Variants in MSRB3 observed in about 807,000 individuals in gnomAD.
The protein encoded by MSRB3 is methionine-R-sulfoxide reductase B3.
In MSRB3, 13 loss-of-function variants were observed where a neutral mutation model predicts 21.0. The ratio of observed to expected loss-of-function variants is 0.62; its 90% CI spans 0.40 to 0.98. The LOEUF is 0.98. Ranked by LOEUF, MSRB3 falls within the 50% of genes least tolerant of loss-of-function variation. The pLI is 0.00. For synonymous variants in MSRB3, 87 were observed against 88.6 expected (o/e 0.98, Z 0.10); for missense variants, 199 against 230.3 (o/e 0.86, Z 0.88).
In MSRB3 at chr12:65,293,586, A is replaced by G. The variant is rs576521514; in HGVS notation, c.-52+14721A>G. On this transcript the variant is annotated intron_variant, in intron 1 of 6. Transcript: ENST00000308259. ...GGCAACAGTCTTAGCCTTTATTCTT[A>G]GTTTAAATGTTACTTCCTCCAGGAA... Among the ~76,000 whole-genome samples, 7 of 152,264 alleles carry G rather than the reference A, an allele frequency of 4.6e-5. No individual in the cohort carries two copies. The South Asian group carries it at 1.5e-3, about 32-fold the overall frequency.
chr12:65,288,834 T>G (rs545642434), intron 1 of MSRB3, among the ~76,000 whole-genome samples: 39 of 152,142 alleles, frequency 2.6e-4, no homozygotes, highest in Non-Finnish European at 3.7e-4. Flanking sequence ...TCACTGTGAG[T>G]TTTAAAGAAA....
At chr12:65,359,375 T>G (rs1400601561) in intron 4 of MSRB3, among the ~76,000 whole-genome samples, 2 of 152,078 alleles carry the variant, frequency 1.3e-5, no homozygotes, top group Non-Finnish European at 2.9e-5. Flanking sequence ...TAGCCATAAC[T>G]TCTATTATTC....
intron 4 of MSRB3, among the ~76,000 whole-genome samples, chr12:65,332,643 A>G (rs1875505255): frequency 6.6e-6 from 1 of 152,194 alleles, no homozygotes; most frequent in African/African-American, 2.4e-5. Flanking sequence ...AATAAAAAAA[A>G]GAAAAGATCA....
chr12:65,390,582 T>C (rs1483249678), intron 5 of MSRB3, among the ~76,000 whole-genome samples: 2 of 152,228 alleles, frequency 1.3e-5, no homozygotes, highest in African/African-American at 4.8e-5. Context: ...GATGCAATCT[T>C]TCTGAAAAGC....
intron 5 of MSRB3, among the ~76,000 whole-genome samples, chr12:65,374,304 C>T (rs1878480321): frequency 6.6e-6 from 1 of 152,070 alleles, no homozygotes; most frequent in Admixed American, 6.5e-5. Flanking sequence ...ATTGACTATT[C>T]ATCTATTCAT....
intron 1 of MSRB3, among the ~76,000 whole-genome samples, chr12:65,291,151 T>C (rs895146242): frequency 6.6e-6 from 1 of 152,034 alleles, no homozygotes; most frequent in Non-Finnish European, 1.5e-5. Flanking sequence ...AGTGGCACGA[T>C]CTCGGCTCAC....
At chr12:65,445,748 C>T (rs1055691715) in intron 5 of MSRB3, among the ~76,000 whole-genome samples, 3 of 151,200 alleles carry the variant, frequency 2.0e-5, no homozygotes, top group Admixed American at 6.6e-5. Context: ...AAGGTTCAAG[C>T]GATTCTCCCA....
rs114504881 is a variant in MSRB3 at position 65,307,431 on chromosome 12, G to T, written c.-51-1098G>T. Among the ~76,000 whole-genome samples the T allele has an allele frequency of 7.8e-3, 1,188 of 152,254 alleles. 16 individuals carry two copies. Among genetic ancestry groups the T allele is most frequent in the African/African-American group, 0.028 (1,151 of 41,558 alleles). Reference sequence around the variant, plus strand: ...TATTATATGTTTGTTCTTCAAGGAGGTCAGAAGAGTCCGGAACAGACTTTT... The same window carrying T: ...TATTATATGTTTGTTCTTCAAGGAGTTCAGAAGAGTCCGGAACAGACTTTT... On this transcript the variant is annotated intron_variant, in intron 1 of 6. Coordinates refer to ENST00000308259, the MANE Select transcript of MSRB3 (RefSeq NM_001031679.3).
chr12:65,416,895 C>A (rs936104171), intron 5 of MSRB3, among the ~76,000 whole-genome samples: 1 of 152,112 alleles, frequency 6.6e-6, no homozygotes, highest in Non-Finnish European at 1.5e-5. Context: ...GCCTTGGATT[C>A]TCTTTCTATT....
chr12:65,336,981 C>T (rs1260606912), intron 4 of MSRB3, among the ~76,000 whole-genome samples: 1 of 152,202 alleles, frequency 6.6e-6, no homozygotes, highest in Non-Finnish European at 1.5e-5. Context: ...CGGTGGCTCA[C>T]GCCTGTAATC....
At chr12:65,419,615 G>C in intron 5 of MSRB3, 1 of 711,608 alleles carries the variant, frequency 1.4e-6, no homozygotes. Flanking sequence ...TGAGCCCTCA[G>C]GTCCTCGATG....
At chr12:65,397,490 G>T (rs1879877145) in intron 5 of MSRB3, among the ~76,000 whole-genome samples, 1 of 151,458 alleles carries the variant, frequency 6.6e-6, no homozygotes, top group Non-Finnish European at 1.5e-5. Flanking sequence ...TTTTTCTTTT[G>T]TTTTCCATTA....
At chr12:65,309,125 A>G in intron 2 of MSRB3, 1 of 180,632 alleles carries the variant, frequency 5.5e-6, no homozygotes, top group Non-Finnish European at 1.2e-5. Flanking sequence ...AGTTAAAAAG[A>G]AAGAAAGTTC....
intron 4 of MSRB3, among the ~76,000 whole-genome samples, chr12:65,356,472 T>A (rs754008228): frequency 4.0e-5 from 6 of 151,734 alleles, no homozygotes; most frequent in Non-Finnish European, 8.8e-5. Context: ...TTAAAAAAAA[T>A]TTATTCCCAT....
intron 5 of MSRB3, among the ~76,000 whole-genome samples, chr12:65,428,140 AT>A (rs1338526235): frequency 6.6e-6 from 1 of 152,042 alleles, no homozygotes; most frequent in African/African-American, 2.4e-5. Context: ...ATGGTTTGTT[AT>A]TTCAGTGGCA....
intron 4 of MSRB3, among the ~76,000 whole-genome samples, chr12:65,348,668 A>T (rs1876703202): frequency 6.6e-6 from 1 of 151,942 alleles, no homozygotes; most frequent in Non-Finnish European, 1.5e-5. Flanking sequence ...AGTTCTTTTA[A>T]TTGTGACGTT....
At chr12:65,402,607 A>G (rs1880192241) in intron 5 of MSRB3, among the ~76,000 whole-genome samples, 1 of 152,100 alleles carries the variant, frequency 6.6e-6, no homozygotes, top group Non-Finnish European at 1.5e-5. Flanking sequence ...TCTGAAGCCT[A>G]CTTCTGTCAA....
chr12:65,347,573 C>G (rs951385658), intron 4 of MSRB3, among the ~76,000 whole-genome samples: 4 of 151,956 alleles, frequency 2.6e-5, no homozygotes, highest in Non-Finnish European at 5.9e-5. Context: ...TGAATACCCT[C>G]TATTTCTTTC....
chr12:65,310,167 G>A (rs1048503594), intron 2 of MSRB3, among the ~76,000 whole-genome samples: 3 of 152,052 alleles, frequency 2.0e-5, no homozygotes, highest in Non-Finnish European at 4.4e-5. Context: ...ATGGTGACAT[G>A]AGGGGCTAAT....
Sources: gnomAD v4.1 joint callset for allele counts (sites outside exome capture counted in the v4.1 genomes callset) on GRCh38, gnomAD v4.1.1 for gene constraint, MANE v1.5 for transcripts, NCBI Gene and HGNC (gene_info 2026-07-23, HGNC 2026-07-21) for gene names.